The following FAM161A variants were observed in gnomAD, a reference collection of about 807,000 sequenced individuals.
FAM161A encodes protein FAM161A.
In FAM161A, 57 loss-of-function variants were observed where a neutral mutation model predicts 70.9. The ratio of observed to expected loss-of-function variants is 0.80; its 90% confidence interval spans 0.65 to 1.00. The LOEUF (loss-of-function observed/expected upper bound fraction) is 1.00. Among genes scored for constraint, FAM161A ranks in the 50% least tolerant of loss-of-function variants. The pLI, the probability that FAM161A is intolerant of heterozygous loss-of-function variation, is 0.00. For synonymous variants in FAM161A, 299 were observed against 295.7 expected (o/e 1.01, Z -0.12); for missense variants, 880 against 836.0 (o/e 1.05, Z -0.65).
In FAM161A at chr2:61,836,040, CTT is replaced by C; in HGVS notation, c.1819_1820del (p.Lys607GlufsTer6). Reference sequence around the variant, plus strand: ...CAACTCTTTCAAATAGCAGTGGCCTCTTTTTTAATTTTTCTTCTCTTTCTTCT... The same window carrying C: ...CAACTCTTTCAAATAGCAGTGGCCTCTTTTAATTTTTCTTCTCTTTCTTCT... ...ELEEREEKLK[K>X]RPLLFERVAQ... is the part of the protein sequence containing the mutation. On this transcript the variant is annotated frameshift_variant, in exon 5 of 7. Coordinates refer to ENST00000404929, the MANE Select transcript of FAM161A (RefSeq NM_001201543.2). LOFTEE classifies it high-confidence loss of function. 2 of 1,609,842 alleles carry C rather than the reference CTT, an allele frequency of 1.2e-6. No homozygotes were observed. The highest frequency in any genetic ancestry group is 1.7e-6 in the Non-Finnish European group (2 of 1,178,648).
intron 5 of FAM161A, among the ~76,000 whole-genome samples, chr2:61,832,382 G>A (rs1672615871): frequency 6.6e-6 from 1 of 151,976 alleles, no homozygotes; most frequent in South Asian, 2.1e-4. Flanking sequence ...TTTTCATTAG[G>A]TAAGCAAAAA....
intron 1 of FAM161A, among the ~76,000 whole-genome samples, chr2:61,850,213 A>G (rs1248155603): frequency 6.6e-6 from 1 of 152,084 alleles, no homozygotes; most frequent in Non-Finnish European, 1.5e-5. Context: ...CCTGACCAAC[A>G]TGGAGAAACC....
Position 61,839,852 on chromosome 2 carries a change from T to A in FAM161A, c.1152A>T (p.Thr384=). The A allele has an allele frequency of 6.2e-7, 1 of 1,614,228 alleles. No homozygotes were observed. Among genetic ancestry groups the A allele is most frequent in the South Asian group, 1.1e-5 (1 of 91,082 alleles). Residue 384 remains threonine, a synonymous_variant, in exon 3 of 7, where the codon ACA becomes ACT. Transcript: ENST00000404929. ...KEEELYRNLR[T]QLRAQEHLQN... is the part of the protein sequence containing the mutation. ...GTAAATGCTCCTGGGCTCTCAGCTG[T>A]GTCCTAAGGTTTCGATAGAGCTCTT...
At position 61,839,738 on chromosome 2, in the gene FAM161A, G is replaced by T. The variant is rs748970261; in HGVS notation, c.1266C>A (p.His422Gln). Reference sequence around the variant, plus strand: ...AATCAGGAGTTGGGCACCTAACCTTGTGTTTACACTTCAACTTTACAGCCT... The same window carrying T: ...AATCAGGAGTTGGGCACCTAACCTTTTGTTTACACTTCAACTTTACAGCCT... ...PEQAVKLKCK[H>Q]KVRCPTPDFE... The change falls in exon 3 of 7, where the codon CAC becomes CAA. Residue 422 changes from histidine to glutamine, a missense_variant. His to Gln is a conservative substitution (Grantham distance 24). Transcript: ENST00000404929. 1.3e-5 allele frequency: 21 copies of T among 1,614,042 alleles called. No individual in the cohort carries two copies. In the African/African-American group the frequency reaches 2.7e-4, roughly 21 times the overall value.
Position 61,838,615 on chromosome 2 carries a change from G to C in FAM161A, c.1674C>G (p.Leu558=). The C allele has an allele frequency of 6.2e-7, 1 of 1,612,152 alleles. No individual in the cohort carries two copies. Among genetic ancestry groups the C allele is most frequent in the South Asian group, 1.1e-5 (1 of 91,010 alleles). Residue 558 remains leucine, a synonymous_variant, in exon 4 of 7, where the codon CTC becomes CTG. Transcript: ENST00000404929. ...QKQRMKELQK[L]LTTRAKAYDS... is the part of the protein sequence containing the mutation. ...CATAAGCCTTAGCCCGGGTTGTCAG[G>C]AGTTTCTGCAATTCTTTCATTCTTT...
At chr2:61,853,775 C>A in intron 1 of FAM161A, 84 bp downstream of exon 1, 1 of 1,515,916 alleles carries the variant, frequency 6.6e-7, no homozygotes. Flanking sequence ...ACCAGCCTGC[C>A]CTCAGCTGGG....
At chr2:61,801,551 G>A in the FAM161A span, among the ~76,000 whole-genome samples, 2 of 144,278 alleles carry the variant, frequency 1.4e-5, no homozygotes, top group South Asian at 2.2e-4. Flanking sequence ...TTTGAATAAT[G>A]TTTTTTGGTT....
downstream of FAM161A, among the ~76,000 whole-genome samples, chr2:61,822,072 T>C (rs1672214350): frequency 6.6e-6 from 1 of 151,162 alleles, no homozygotes; most frequent in Non-Finnish European, 1.5e-5. Flanking sequence ...CCTGGCAGAA[T>C]GTTGGAATCT....
At chr2:61,816,825 A>G in the FAM161A span, among the ~76,000 whole-genome samples, 51 of 152,188 alleles carry the variant, frequency 3.4e-4, 1 homozygote, top group African/African-American at 1.1e-3. Context: ...TGCCTCGGCA[A>G]TCACATTCCT....
chr2:61,813,933 A>T, the FAM161A span, among the ~76,000 whole-genome samples: 1 of 152,196 alleles, frequency 6.6e-6, no homozygotes, highest in South Asian at 2.1e-4. Context: ...GGGATACAAC[A>T]TCACAACAAT....
chr2:61,807,785 C>G, the FAM161A span, among the ~76,000 whole-genome samples: 1 of 151,920 alleles, frequency 6.6e-6, no homozygotes, highest in Non-Finnish European at 1.5e-5. Context: ...GGACTACAGG[C>G]ACACAGCACC....
chr2:61,800,987 G>A, the FAM161A span, among the ~76,000 whole-genome samples: 1 of 151,630 alleles, frequency 6.6e-6, no homozygotes, highest in African/African-American at 2.4e-5. Context: ...TGGAGACGAG[G>A]TTTCACCATG....
chr2:61,801,491 C>T, the FAM161A span, among the ~76,000 whole-genome samples: 4 of 136,908 alleles, frequency 2.9e-5, no homozygotes, highest in South Asian at 8.9e-4. Context: ...GGAGAGGCTC[C>T]GTCTCAAAAA....
At position 61,838,623 on chromosome 2, in the gene FAM161A, G is replaced by T; in HGVS notation, c.1666C>A (p.Gln556Lys). ...TTAGCCCGGGTTGTCAGGAGTTTCT[G>T]CAATTCTTTCATTCTTTGCTTCTGT... ...TKQKQRMKELQKLLTTRAKAY... is the reference protein window; with the variant it reads ...TKQKQRMKELKKLLTTRAKAY... The change falls in exon 4 of 7, where the codon CAG becomes AAG. Residue 556 changes from glutamine (Q) to lysine (K), a missense_variant. Coordinates refer to ENST00000404929, the MANE Select transcript of FAM161A (RefSeq NM_001201543.2). 6.2e-7 allele frequency: 1 copy of T among 1,611,920 alleles called. No individual in the cohort carries two copies. The highest frequency in any genetic ancestry group is 8.5e-7 in the Non-Finnish European group (1 of 1,179,390).
intron 1 of FAM161A, among the ~76,000 whole-genome samples, chr2:61,847,692 AGCCCAGGAGG>A (rs1673278653): frequency 6.6e-6 from 1 of 152,070 alleles, no homozygotes; most frequent in Non-Finnish European, 1.5e-5. Context: ...GGATCACCTG[AGCCCAGGAGG>A]TTGGGGCTGC....
the FAM161A span, among the ~76,000 whole-genome samples, chr2:61,809,733 C>G: frequency 6.6e-6 from 1 of 152,172 alleles, no homozygotes; most frequent in African/African-American, 2.4e-5. Context: ...TCTCTTCACC[C>G]TTTGAATCTG....
At chr2:61,838,502 C>T (rs1263326977) in intron 4 of FAM161A, 36 bp downstream of exon 4, 1 of 1,546,356 alleles carries the variant, frequency 6.5e-7, no homozygotes. Flanking sequence ...AGTTTGAAAA[C>T]CAGTGGTCTG....
the FAM161A span, among the ~76,000 whole-genome samples, chr2:61,813,252 A>T: frequency 1.3e-5 from 2 of 152,096 alleles, no homozygotes; most frequent in African/African-American, 4.8e-5. Context: ...CCTGGGCAAC[A>T]TAGAGAGACC....
rs145199539 is a variant in FAM161A, at chr2:61,842,347, G to A, written c.197C>T (p.Thr66Ile). ...ATGTTCATCCACCCCAGAAAAGCTG[G>A]TGTTCAAATCAGCCTGGTGGGGAGA... is the stretch of plus-strand genomic sequence containing the variant. Reference protein sequence around the residue: ...QPAGASADLNTSFSGVDEHAP... With the variant: ...QPAGASADLNISFSGVDEHAP... Residue 66 changes from threonine to isoleucine, a missense_variant, in exon 2 of 7, where the codon ACC becomes ATC. Transcript: ENST00000404929. 4.5e-3 allele frequency: 7,099 copies of A among 1,563,328 alleles called. 35 individuals carry two copies. The highest frequency in any genetic ancestry group is 0.011 in the Middle Eastern group (69 of 6,000).
Sources: gnomAD v4.1 joint callset for allele counts (sites outside exome capture counted in the v4.1 genomes callset) on GRCh38, gnomAD v4.1.1 for gene constraint, MANE v1.5 for transcripts, NCBI Gene and HGNC (gene_info 2026-07-23, HGNC 2026-07-21) for gene names.